The following EPB41L4A variants were observed in gnomAD, a reference collection of about 807,000 sequenced individuals.
EPB41L4A encodes erythrocyte membrane protein band 4.1 like 4A, also known as band 4.1-like protein 4A.
A neutral mutation model predicts 108.6 loss-of-function variants in EPB41L4A; 100 were observed. The ratio of observed to expected loss-of-function variants is 0.92; its 90% CI spans 0.78 to 1.09. The LOEUF is 1.09. Ranked by LOEUF, EPB41L4A falls within the 50% of genes least tolerant of loss-of-function variation. The pLI, the probability that EPB41L4A is intolerant of heterozygous loss-of-function variation, is 0.00. For synonymous variants in EPB41L4A, 319 were observed against 289.0 expected (o/e 1.10, Z -1.05); for missense variants, 1,030 against 842.7 (o/e 1.22, Z -2.75).
At chr5:112,211,897 G>T (rs1762763136) in intron 12 of EPB41L4A, among the ~76,000 whole-genome samples, 1 of 152,182 alleles carries the variant, frequency 6.6e-6, no homozygotes, top group African/African-American at 2.4e-5. Context: ...AAATGAAAAG[G>T]TGAGCCTGAA....
At chr5:112,278,161 T>A (rs1378354498) in intron 3 of EPB41L4A, among the ~76,000 whole-genome samples, 3 of 152,188 alleles carry the variant, frequency 2.0e-5, no homozygotes, top group African/African-American at 7.2e-5. Context: ...TCCTTCACTA[T>A]CAAATAATTT....
chr5:112,403,492 T>C (rs1761906579), intron 1 of EPB41L4A, among the ~76,000 whole-genome samples: 1 of 152,154 alleles, frequency 6.6e-6, no homozygotes, highest in Non-Finnish European at 1.5e-5. Flanking sequence ...CCTTTCTTTC[T>C]TTAGAGACAG....
chr5:112,274,899 T>C (rs926189661), intron 4 of EPB41L4A, among the ~76,000 whole-genome samples: 2 of 152,166 alleles, frequency 1.3e-5, no homozygotes, highest in African/African-American at 4.8e-5. Context: ...TAGAGATAAA[T>C]GAAACACCTG....
chr5:112,214,532 G>A (rs1210175864), intron 12 of EPB41L4A, among the ~76,000 whole-genome samples: 1 of 151,988 alleles, frequency 6.6e-6, no homozygotes, highest in Non-Finnish European at 1.5e-5. Flanking sequence ...GGGAGGCCGA[G>A]GCGGGCGGAT....
At chr5:112,244,361 T>A (rs1750040302) in intron 9 of EPB41L4A, among the ~76,000 whole-genome samples, 1 of 152,182 alleles carries the variant, frequency 6.6e-6, no homozygotes, top group South Asian at 2.1e-4. Flanking sequence ...ACTATTGAAG[T>A]GGCTACACTG....
intron 2 of EPB41L4A, among the ~76,000 whole-genome samples, chr5:112,296,854 C>A (rs949663827): frequency 1.3e-5 from 2 of 151,992 alleles, no homozygotes; most frequent in Non-Finnish European, 2.9e-5. Context: ...TGAGAACATA[C>A]AATATTTGTT....
At chr5:112,331,114 A>G (rs821737) in intron 1 of EPB41L4A, among the ~76,000 whole-genome samples, 2,556 of 152,226 alleles carry the variant, frequency 0.017, 83 homozygotes, top group African/African-American at 0.057. Flanking sequence ...CTCAGTTCCC[A>G]CTTCTTAATA....
At chr5:112,307,739 T>C (rs957742139) in intron 1 of EPB41L4A, among the ~76,000 whole-genome samples, 3 of 150,188 alleles carry the variant, frequency 2.0e-5, no homozygotes, top group Non-Finnish European at 4.4e-5. Flanking sequence ...TAAGCTTCTT[T>C]CTTCTGGGAT....
chr5:112,263,147 G>A (rs937162674), intron 6 of EPB41L4A, among the ~76,000 whole-genome samples: 4 of 152,160 alleles, frequency 2.6e-5, no homozygotes, highest in Non-Finnish European at 5.9e-5. Context: ...ATCTTCATTG[G>A]TGGTAATATA....
intron 1 of EPB41L4A, among the ~76,000 whole-genome samples, chr5:112,312,106 C>A (rs1199479311): frequency 6.6e-6 from 1 of 152,094 alleles, no homozygotes; most frequent in African/African-American, 2.4e-5. Context: ...TTAGGGTTTT[C>A]AAATAAAGAT....
Position 112,168,724 on chromosome 5 carries a change from C to G in EPB41L4A, c.1932+15G>C. Reference sequence around the variant, plus strand: ...CATCAATACAACACCTTCTTCAAACCTTACTATTACTAACCTGATGAACTG... The same window carrying G: ...CATCAATACAACACCTTCTTCAAACGTTACTATTACTAACCTGATGAACTG... On this transcript the variant is annotated intron_variant, in intron 22 of 22. Transcript: ENST00000261486. 6.2e-7 allele frequency: 1 copy of G among 1,605,306 alleles called. No homozygotes were observed. The highest frequency in any genetic ancestry group is 8.5e-7 in the Non-Finnish European group (1 of 1,172,298).
At chr5:112,187,006 C>G (rs1761462599) in intron 17 of EPB41L4A, among the ~76,000 whole-genome samples, 1 of 152,080 alleles carries the variant, frequency 6.6e-6, no homozygotes, top group Non-Finnish European at 1.5e-5. Context: ...TATGGGGGAT[C>G]CAAATAGTTT....
At chr5:112,368,996 C>T (rs1008274868) in intron 1 of EPB41L4A, among the ~76,000 whole-genome samples, 27 of 152,198 alleles carry the variant, frequency 1.8e-4, no homozygotes, top group Non-Finnish European at 1.0e-4. Flanking sequence ...TCTCCTTCCA[C>T]GGTTCTAACT....
intron 11 of EPB41L4A, among the ~76,000 whole-genome samples, chr5:112,235,933 C>T (rs1749300565): frequency 6.6e-6 from 1 of 152,116 alleles, no homozygotes; most frequent in African/African-American, 2.4e-5. Flanking sequence ...TAAAAAGGTA[C>T]ACAGGATAAC....
chr5:112,360,908 T>G lies in EPB41L4A; in HGVS notation c.100-53418A>C, dbSNP rs551842858. ...TCGACCCAGTCTGGGAAATGAGGAG[T>G]GTCTCTGCCCCGCCGCCACTCCGTC... On this transcript the variant is annotated intron_variant, in intron 1 of 22. Coordinates refer to ENST00000261486, the MANE Select transcript of EPB41L4A (RefSeq NM_022140.5). Among the ~76,000 whole-genome samples the G allele has an allele frequency of 4.1e-3, 609 of 149,942 alleles. 1 individual carries two copies. The highest frequency in any genetic ancestry group is 7.1e-3 in the Non-Finnish European group (478 of 67,456).
At chr5:112,330,761 A>G (rs1223874605) in intron 1 of EPB41L4A, among the ~76,000 whole-genome samples, 1 of 152,142 alleles carries the variant, frequency 6.6e-6, no homozygotes, top group Non-Finnish European at 1.5e-5. Flanking sequence ...AGGTTTAAAA[A>G]AAAAAAAGGA....
At chr5:112,394,989 TG>T (rs1225383236) in intron 1 of EPB41L4A, among the ~76,000 whole-genome samples, 1 of 151,594 alleles carries the variant, frequency 6.6e-6, no homozygotes, top group African/African-American at 2.4e-5. Flanking sequence ...AAACAAGAAA[TG>T]GGGAAAGGAT....
chr5:112,239,621 T>G (rs1749624708), intron 11 of EPB41L4A, 39 bp downstream of exon 11: 5 of 1,332,948 alleles, frequency 3.8e-6, no homozygotes, highest in Non-Finnish European at 5.2e-6. Context: ...AAGTATTTAT[T>G]TACAAACACA....
At chr5:112,234,257 G>C (rs550237025) in intron 12 of EPB41L4A, among the ~76,000 whole-genome samples, 1 of 151,460 alleles carries the variant, frequency 6.6e-6, no homozygotes, top group South Asian at 2.1e-4. Context: ...AGGCATGGTA[G>C]TATGTGCCTA....
Sources: gnomAD v4.1 joint callset for allele counts (sites outside exome capture counted in the v4.1 genomes callset) on GRCh38, gnomAD v4.1.1 for gene constraint, MANE v1.5 for transcripts, NCBI Gene and HGNC (gene_info 2026-07-23, HGNC 2026-07-21) for gene names.